KDM8: variants seen among roughly 807,000 people sequenced by gnomAD.
KDM8 encodes the protein bifunctional peptidase and arginyl-hydroxylase JMJD5.
In KDM8, 35 loss-of-function variants were observed where a neutral mutation model predicts 46.9. The observed-to-expected ratio is 0.75, with a 90% CI of 0.57 to 0.99. The LOEUF (loss-of-function observed/expected upper bound fraction) is 0.99, where lower values mean the gene tolerates loss of function less well. Ranked by LOEUF, KDM8 falls within the 50% of genes least tolerant of loss-of-function variation. The pLI is 0.00. For missense variants in KDM8, 475 were observed against 537.0 expected (o/e 0.88, Z 1.14); for synonymous variants, 232 against 227.7 (o/e 1.02, Z -0.17).
At chr16:27,204,617 C>G (rs2083409998) in intron 1 of KDM8, among the ~76,000 whole-genome samples, 1 of 152,182 alleles carries the variant, frequency 6.6e-6, no homozygotes, top group South Asian at 2.1e-4. Context: ...ATGGTGCTTG[C>G]AGAGTGCCCA....
chr16:27,220,204 G>A (rs576652992), intron 6 of KDM8, 189 bp from the exon 7 acceptor site: 22 of 607,392 alleles, frequency 3.6e-5, no homozygotes, highest in East Asian at 2.5e-4. Context: ...CTGGATGACC[G>A]AGTGAGACCC....
Position 27,221,021 on chromosome 16 carries a change from C to T in KDM8, c.*291C>T. The stretch of plus-strand genomic sequence containing the variant: ...GCATGGGGACTCTGGCATCAGAAAG[C>T]CGAATGTTTTTGGGAAACGGGTGGG... On this transcript the variant is annotated 3_prime_UTR_variant, in exon 8 of 8. Transcript: ENST00000286096. The T allele has an allele frequency of 6.5e-6, 3 of 464,642 alleles. No homozygotes were observed. The highest frequency in any genetic ancestry group is 1.2e-5 in the Non-Finnish European group (3 of 250,878). The allele number at this position is 464,642 out of a possible 1,614,324, so 28.8% of individuals were successfully genotyped here. A position where few individuals can be genotyped will look rare whatever the true frequency, so the allele number is the denominator to read the frequency against.
At chr16:27,206,821 G>T (rs1431870170) in intron 1 of KDM8, among the ~76,000 whole-genome samples, 2 of 152,214 alleles carry the variant, frequency 1.3e-5, no homozygotes, top group African/African-American at 2.4e-5. Context: ...CAAGTGGTTG[G>T]TGGTGTGAAG....
chr16:27,204,957 C>T (rs1305553834), intron 1 of KDM8, among the ~76,000 whole-genome samples: 8 of 152,136 alleles, frequency 5.3e-5, no homozygotes, highest in Non-Finnish European at 8.8e-5. Flanking sequence ...ACCTGGGAAG[C>T]GGAGGTTGCA....
At chr16:27,203,995 ATACTC>A in intron 1 of KDM8, 1 of 1,010,592 alleles carries the variant, frequency 9.9e-7, no homozygotes. Context: ...CGCGGGTTTT[ATACTC>A]TGCTATATGT....
At chr16:27,215,193 T>TC (rs1193495335) in intron 4 of KDM8, among the ~76,000 whole-genome samples, 185 bp downstream of exon 4, 2 of 152,138 alleles carry the variant, frequency 1.3e-5, no homozygotes, top group Non-Finnish European at 2.9e-5. Flanking sequence ...GGGATTCATG[T>TC]CAGGTCCTTT....
Position 27,210,486 on chromosome 16 carries a change from G to T in KDM8, c.363G>T (p.Arg121=). 6.3e-7 allele frequency: 1 copy of T among 1,577,774 alleles called. No homozygotes were observed. The highest frequency in any genetic ancestry group is 8.6e-7 in the Non-Finnish European group (1 of 1,157,802). ...EDANTVAAAL[R]VCDMGLLMGA... ...CCAACACTGTGGCCGCAGCCCTGCGGGTCTGTGACATGGGCCTGCTGATGG... is the reference window on the plus strand; with the variant it reads ...CCAACACTGTGGCCGCAGCCCTGCGTGTCTGTGACATGGGCCTGCTGATGG... Residue 121 remains arginine, a synonymous_variant, in exon 2 of 8, where the codon CGG becomes CGT. Coordinates refer to ENST00000286096, the MANE Select transcript of KDM8 (RefSeq NM_024773.3).
rs759535206 is a variant in KDM8 at position 27,210,371 on chromosome 16, C to T, written c.248C>T (p.Thr83Ile). 10 of 1,613,410 alleles carry T rather than the reference C, an allele frequency of 6.2e-6. No individual in the cohort carries two copies. In the South Asian group the frequency reaches 7.7e-5, roughly 12 times the overall value. The stretch of plus-strand genomic sequence containing the variant: ...TCCTGGGAGAAGCTCAACACGGGCA[C>T]ATGGCAGGACGTAGACAAAGACTGG... The part of the protein sequence containing the change: ...DYSWEKLNTG[T>I]WQDVDKDWRR... The change falls in exon 2 of 8, where the codon ACA (threonine) becomes ATA (isoleucine). Residue 83 changes from threonine (T) to isoleucine (I), a missense_variant. Transcript: ENST00000286096.
chr16:27,206,972 C>T (rs1404876448), intron 1 of KDM8, among the ~76,000 whole-genome samples: 4 of 152,230 alleles, frequency 2.6e-5, no homozygotes, highest in African/African-American at 9.6e-5. Context: ...TGAGGCTGCT[C>T]CCAGCGGGGT....
chr16:27,218,876 A>G lies in KDM8; in HGVS notation c.844-85A>G, dbSNP rs912224944. ...ACACACACACATAATGGATATAGGT[A>G]TGTGTTTCTGACTCTTCGTTGGCCT... is the stretch of plus-strand genomic sequence containing the variant. On this transcript the variant is annotated intron_variant, in intron 5 of 7. Transcript: ENST00000286096. The G allele has an allele frequency of 9.2e-6, 13 of 1,407,312 alleles. No homozygotes were observed. In the African/African-American group the frequency reaches 1.7e-4, roughly 18 times the overall value. 87.2% of individuals were successfully genotyped at this position (1,407,312 alleles called of 1,614,324 possible).
chr16:27,211,713 C>A (rs547593733), intron 2 of KDM8: 3 of 152,250 alleles, frequency 2.0e-5, no homozygotes, highest in African/African-American at 7.2e-5. Flanking sequence ...GAGTCTCACT[C>A]TGTCACCCCG....
rs2140978813 is a variant in KDM8, at chr16:27,220,911, C to T, written c.*181C>T. On this transcript the variant is annotated 3_prime_UTR_variant, in exon 8 of 8. Transcript: ENST00000286096. The stretch of plus-strand genomic sequence containing the variant: ...CTGGACAGGCACAGAGCAGGGGCTG[C>T]CCAGGAAGGAGCACACTCCAGGCCA... 2.7e-6 allele frequency: 2 copies of T among 743,368 alleles called. No homozygotes were observed. The highest frequency in any genetic ancestry group is 1.5e-5 in the South Asian group (1 of 68,166). The allele number at this position is 743,368 out of a possible 1,614,324, so 46.0% of individuals were successfully genotyped here.
Position 27,221,214 on chromosome 16 carries a change from C to T in KDM8, c.*484C>T, listed in dbSNP as rs1051997325. 1.7e-5 allele frequency: 5 copies of T among 285,838 alleles called. No homozygotes were observed. Among genetic ancestry groups the T allele is most frequent in the Non-Finnish European group, 3.5e-5 (5 of 143,918 alleles). 17.7% of individuals were successfully genotyped at this position (285,838 alleles called of 1,614,324 possible). A position where few individuals can be genotyped will look rare whatever the true frequency, so the allele number is the denominator to read the frequency against. On this transcript the variant is annotated 3_prime_UTR_variant, in exon 8 of 8. Transcript: ENST00000286096. The stretch of plus-strand genomic sequence containing the variant: ...CTGCCGAGGGCCGAGAAGGCGGTGC[C>T]GAGCCCCTGCTGCTGCATGAACCTT...
Position 27,210,613 on chromosome 16 carries a change from T to C in KDM8, c.490T>C (p.Cys164Arg). ...CCGTGGCTCCCTCCCAGAGCAACCC[T>C]GCACAAAGGTATGTGGGGGAGATTC... ...PARGSLPEQP[C>R]TKKARADHGL... Residue 164 changes from cysteine (C) to arginine (R), a missense_variant, in exon 2 of 8, where the codon TGC becomes CGC. Physicochemically the swap from Cys to Arg is radical, Grantham distance 180 (BLOSUM62 -3). Transcript: ENST00000286096. 1 of 1,511,272 alleles carries C rather than the reference T, an allele frequency of 6.6e-7. No homozygotes were observed. 93.6% of individuals were successfully genotyped at this position (1,511,272 alleles called of 1,614,324 possible). A position where few individuals can be genotyped will look rare whatever the true frequency, so the allele number is the denominator to read the frequency against.
chr16:27,204,380 C>G, intron 1 of KDM8: 1 of 1,288,088 alleles, frequency 7.8e-7, no homozygotes, highest in Non-Finnish European at 9.9e-7. Context: ...GACTGTGTGC[C>G]CCTTAGAGAG....
intron 1 of KDM8, among the ~76,000 whole-genome samples, chr16:27,205,259 A>G (rs1230690075): frequency 1.3e-5 from 2 of 152,164 alleles, no homozygotes; most frequent in African/African-American, 4.8e-5. Flanking sequence ...TATAAGATTC[A>G]TTTTAGTCTT....
chr16:27,220,588 T>C lies in KDM8; in HGVS notation c.1109T>C (p.Leu370Pro). 2 of 1,614,202 alleles carry C rather than the reference T, an allele frequency of 1.2e-6. No homozygotes were observed. Among genetic ancestry groups the C allele is most frequent in the Middle Eastern group, 1.6e-4 (1 of 6,062 alleles). Reference protein sequence around the residue: ...TSQVDVENPDLEKFPKFAKAP... With the variant: ...TSQVDVENPDPEKFPKFAKAP... ...CAGGTTGACGTGGAGAATCCCGACC[T>C]GGAAAAGTTCCCCAAGTTTGCCAAG... The change falls in exon 8 of 8, where the codon CTG becomes CCG. Residue 370 changes from leucine to proline, a missense_variant. Leu to Pro is a moderately conservative substitution (Grantham distance 98). Transcript: ENST00000286096.
intron 1 of KDM8, among the ~76,000 whole-genome samples, chr16:27,205,030 A>C (rs897066923): frequency 1.8e-4 from 27 of 152,316 alleles, no homozygotes; most frequent in African/African-American, 6.0e-4. Flanking sequence ...CGTCTCAAAA[A>C]AAATAATAAA....
chr16:27,214,794 AGG>A, intron 3 of KDM8, 80 bp from the exon 4 acceptor site: 1 of 1,514,932 alleles, frequency 6.6e-7, no homozygotes, highest in Admixed American at 1.7e-5. Context: ...CGAGGATGAA[AGG>A]GGACCACATG....
Sources: allele counts gnomAD v4.1 joint callset (sites outside exome capture counted in the v4.1 genomes callset), GRCh38; gene constraint gnomAD v4.1.1; transcripts MANE v1.5; gene names NCBI Gene and HGNC (gene_info 2026-07-23, HGNC 2026-07-21).